The following NR1D2 variants were observed in gnomAD, a reference collection of about 807,000 sequenced individuals.
The protein encoded by NR1D2 is nuclear receptor subfamily 1 group D member 2.
NR1D2 carries 25 observed loss-of-function variants against 52.2 expected under a neutral mutation model. The ratio of observed to expected loss-of-function variants is 0.48; its 90% CI spans 0.35 to 0.67. The LOEUF is 0.67. NR1D2 is among the 30% of genes least tolerant of loss of function. NR1D2 has a pLI of 0.01. For missense variants in NR1D2, 681 were observed against 707.2 expected (o/e 0.96, Z 0.42); for synonymous variants, 259 against 230.1 (o/e 1.13, Z -1.14).
intron 4 of NR1D2, among the ~76,000 whole-genome samples, chr3:23,960,146 C>T (rs1297388601): frequency 3.9e-5 from 6 of 152,178 alleles, no homozygotes; most frequent in Non-Finnish European, 5.9e-5. Flanking sequence ...TGGTGGCTCA[C>T]GCCCGTAATC....
rs1575157418 is a variant in NR1D2 at position 23,967,724 on chromosome 3, T to A, written c.1333-89T>A. Reference sequence around the variant, plus strand: ...TTATAACTTTCTTTTATATGTGGGATGATTCATAACTGACTTGATTGAATA... The same window carrying A: ...TTATAACTTTCTTTTATATGTGGGAAGATTCATAACTGACTTGATTGAATA... On this transcript the variant is annotated intron_variant, in intron 6 of 7. Transcript: ENST00000312521. The A allele has an allele frequency of 2.2e-5, 21 of 972,184 alleles. No homozygotes were observed. The East Asian group carries it at 5.5e-4, about 25-fold the overall frequency. The allele number at this position is 972,184 out of a possible 1,614,324, so 60.2% of individuals were successfully genotyped here. A position where few individuals can be genotyped will look rare whatever the true frequency, so the allele number is the denominator to read the frequency against.
intron 1 of NR1D2, among the ~76,000 whole-genome samples, chr3:23,945,833 CT>C (rs1289446724): frequency 2.0e-5 from 3 of 150,778 alleles, no homozygotes; most frequent in Admixed American, 2.0e-4. Context: ...CGGCCCCCCC[CT>C]CACATGGCCC....
At chr3:23,957,645 C>T (rs1706123014) in intron 3 of NR1D2, among the ~76,000 whole-genome samples, 1 of 151,440 alleles carries the variant, frequency 6.6e-6, no homozygotes, top group African/African-American at 2.4e-5. Context: ...ATGGCGTGAA[C>T]CCGGGAGGCG....
At chr3:23,974,938 C>T (rs1046499035) in intron 7 of NR1D2, among the ~76,000 whole-genome samples, 1 of 151,780 alleles carries the variant, frequency 6.6e-6, no homozygotes, top group Non-Finnish European at 1.5e-5. Flanking sequence ...TGAGCCTCAG[C>T]CTTCCAAGTA....
chr3:23,959,718 C>T lies in NR1D2; in HGVS notation c.420C>T (p.Cys140=). 1.9e-6 allele frequency: 3 copies of T among 1,613,548 alleles called. No homozygotes were observed. Among genetic ancestry groups the T allele is most frequent in the Middle Eastern group, 1.7e-4 (1 of 6,060 alleles). The stretch of plus-strand genomic sequence containing the variant: ...AACAAAACATCCAGTACAAGAAGTG[C>T]CTGAAGAATGAAAACTGTTCTATAA... ...SIQQNIQYKK[C]LKNENCSIMR... The change falls in exon 4 of 8, where the codon TGC becomes TGT. Residue 140 remains cysteine (C), a synonymous_variant. Coordinates refer to ENST00000312521, the MANE Select transcript of NR1D2 (RefSeq NM_005126.5).
At chr3:23,946,002 C>A (rs1348216822) in intron 1 of NR1D2, 4 of 666,318 alleles carry the variant, frequency 6.0e-6, no homozygotes, top group South Asian at 6.5e-5. Context: ...CCACATTCCC[C>A]GGGGCCGCAG....
At chr3:23,961,883 A>G (rs1706256640) in intron 4 of NR1D2, 94 bp from the exon 5 acceptor site, 2 of 1,148,278 alleles carry the variant, frequency 1.7e-6, no homozygotes, top group South Asian at 1.6e-5. Flanking sequence ...ATGTATGACT[A>G]GAGGCCATAA....
At position 23,962,266 on chromosome 3, in the gene NR1D2, A is replaced by G. The variant is rs1276467160; in HGVS notation, c.807A>G (p.Gln269=). ...ACAAGGATACCTTTATGTATAATCA[A>G]GAGCAGCAAGAAAACTCAGCTGAGA... ...RAHKDTFMYN[Q]EQQENSAESM... The change falls in exon 5 of 8, where the codon CAA becomes CAG. Residue 269 remains glutamine (Q), a synonymous_variant. Transcript: ENST00000312521. 6.2e-7 allele frequency: 1 copy of G among 1,614,122 alleles called. No homozygotes were observed. The highest frequency in any genetic ancestry group is 8.5e-7 in the Non-Finnish European group (1 of 1,180,050).
intron 7 of NR1D2, among the ~76,000 whole-genome samples, chr3:23,971,199 C>T (rs938434214): frequency 3.9e-5 from 6 of 152,142 alleles, no homozygotes. Flanking sequence ...TTTCCTCCAC[C>T]CCAGCCTTAT....
intron 1 of NR1D2, among the ~76,000 whole-genome samples, chr3:23,950,449 G>A (rs1218744699): frequency 2.0e-5 from 3 of 152,212 alleles, no homozygotes; most frequent in South Asian, 2.1e-4. Context: ...CTGACATCCA[G>A]TAGGTACTTG....
intron 3 of NR1D2, among the ~76,000 whole-genome samples, chr3:23,959,359 A>G (rs1048532462): frequency 3.3e-5 from 5 of 151,980 alleles, no homozygotes; most frequent in African/African-American, 1.2e-4. Flanking sequence ...GACTGCAGGC[A>G]GGGTCTGGTA....
In NR1D2 at chr3:23,956,027, T is replaced by C; in HGVS notation, c.284-10T>C. ...TCCTACTTTTTACTTCGTGTCCTTT[T>C]GTGTCCTAGAATTTAGTGGCATGGT... On this transcript the variant is annotated splice_polypyrimidine_tract_variant and intron_variant, in intron 2 of 7. Transcript: ENST00000312521. 1 of 1,607,360 alleles carries C rather than the reference T, an allele frequency of 6.2e-7. No individual in the cohort carries two copies. The highest frequency in any genetic ancestry group is 8.5e-7 in the Non-Finnish European group (1 of 1,174,128).
intron 1 of NR1D2, among the ~76,000 whole-genome samples, chr3:23,951,326 T>C (rs1011909766): frequency 4.6e-5 from 7 of 152,222 alleles, no homozygotes; most frequent in Admixed American, 4.6e-4. Context: ...CACTTTCTTA[T>C]CTTTTATTTT....
intron 1 of NR1D2, among the ~76,000 whole-genome samples, chr3:23,954,314 C>T (rs1210513887): frequency 6.6e-6 from 1 of 152,202 alleles, no homozygotes; most frequent in Non-Finnish European, 1.5e-5. Flanking sequence ...CCGGGCCTAT[C>T]TCCCTTTTTA....
chr3:23,959,695 C>G lies in NR1D2; in HGVS notation c.397C>G (p.Gln133Glu). The change falls in exon 4 of 8, where the codon CAA becomes GAA. Residue 133 changes from glutamine to glutamate, a missense_variant. By Grantham distance (29) the Gln-to-Glu change is conservative. Around this residue, in one of 3 missense-constraint regions of NR1D2, gnomAD observed 112 missense variants for 162.3 expected, o/e 0.69. Coordinates refer to ENST00000312521, the MANE Select transcript of NR1D2 (RefSeq NM_005126.5). Reference sequence around the variant, plus strand: ...GGGTTTCTTTCGGAGAAGTATTCAACAAAACATCCAGTACAAGAAGTGCCT... The same window carrying G: ...GGGTTTCTTTCGGAGAAGTATTCAAGAAAACATCCAGTACAAGAAGTGCCT... ...CKGFFRRSIQ[Q>E]NIQYKKCLKN... 1 of 1,611,862 alleles carries G rather than the reference C, an allele frequency of 6.2e-7. No homozygotes were observed. The highest frequency in any genetic ancestry group is 8.5e-7 in the Non-Finnish European group (1 of 1,179,372).
chr3:23,945,962 G>T (rs1705676320), intron 1 of NR1D2, among the ~76,000 whole-genome samples: 1 of 151,432 alleles, frequency 6.6e-6, no homozygotes, highest in African/African-American at 2.4e-5. Context: ...GCGGCGGGCG[G>T]GGACACGTGA....
At chr3:23,970,744 A>T (rs1418771518) in intron 7 of NR1D2, among the ~76,000 whole-genome samples, 1 of 152,146 alleles carries the variant, frequency 6.6e-6, no homozygotes, top group Non-Finnish European at 1.5e-5. Flanking sequence ...ACCACTTAAA[A>T]ATTACTAGCT....
At chr3:23,953,184 A>AT (rs1256397707) in intron 1 of NR1D2, among the ~76,000 whole-genome samples, 3 of 151,702 alleles carry the variant, frequency 2.0e-5, no homozygotes, top group African/African-American at 7.3e-5. Context: ...TAAAAAAAAA[A>AT]ATACAAAAAT....
At chr3:23,954,898 G>A (rs1706042351) in intron 2 of NR1D2, 95 bp downstream of exon 2, 2 of 1,182,806 alleles carry the variant, frequency 1.7e-6, no homozygotes, top group Non-Finnish European at 2.4e-6. Flanking sequence ...ATGTTTCTGG[G>A]TACAGTTTTC....
Sources: gnomAD v4.1 joint callset for allele counts (sites outside exome capture counted in the v4.1 genomes callset) on GRCh38, gnomAD v4.1.1 for gene constraint, gnomAD v4.1.1 regional missense constraint, MANE v1.5 for transcripts, NCBI Gene and HGNC (gene_info 2026-07-23, HGNC 2026-07-21) for gene names.